The following RAB3C variants were observed in gnomAD, a reference collection of about 807,000 sequenced individuals.
RAB3C encodes the protein ras-related protein Rab-3C.
RAB3C carries 17 observed loss-of-function variants against 26.4 expected under a neutral mutation model. That is an observed-to-expected ratio of 0.64 (90% CI 0.44 to 0.97). The LOEUF is 0.97. RAB3C is among the 50% of genes least tolerant of loss of function. RAB3C has a pLI of 0.00. For missense variants in RAB3C, 242 were observed against 281.9 expected (o/e 0.86, Z 1.01); for synonymous variants, 91 against 95.9 (o/e 0.95, Z 0.30).
At chr5:58,819,419 G>A (rs796986304) in intron 3 of RAB3C, among the ~76,000 whole-genome samples, 3 of 152,230 alleles carry the variant, frequency 2.0e-5, no homozygotes, top group African/African-American at 4.8e-5. Flanking sequence ...GCATAACTGT[G>A]GGTCTTTCTC....
chr5:58,773,807 C>T (rs577848157), intron 3 of RAB3C, among the ~76,000 whole-genome samples: 121 of 152,250 alleles, frequency 7.9e-4, no homozygotes, highest in African/African-American at 2.7e-3. Flanking sequence ...CCTCTTCTAG[C>T]AATTCCCAGG....
intron 1 of RAB3C, among the ~76,000 whole-genome samples, chr5:58,614,480 C>CAA (rs150581049): frequency 5.3e-5 from 8 of 150,528 alleles, no homozygotes; most frequent in Admixed American, 1.3e-4. Flanking sequence ...GGAAATAGTA[C>CAA]AAAAAAAAAC....
chr5:58,738,644 T>A (rs1418181913), intron 3 of RAB3C, among the ~76,000 whole-genome samples: 1 of 152,118 alleles, frequency 6.6e-6, no homozygotes, highest in Admixed American at 6.6e-5. Context: ...GAAGCTAAAT[T>A]ATGTAGATGC....
At chr5:58,833,026 T>A (rs1342782482) in intron 4 of RAB3C, among the ~76,000 whole-genome samples, 1 of 152,160 alleles carries the variant, frequency 6.6e-6, no homozygotes, top group Non-Finnish European at 1.5e-5. Context: ...CCTCAATTTT[T>A]TTTTCAGTTA....
intron 2 of RAB3C, among the ~76,000 whole-genome samples, chr5:58,695,957 A>G (rs149078073): frequency 0.013 from 1,909 of 152,274 alleles, 38 homozygotes; most frequent in African/African-American, 0.041. Flanking sequence ...TTCCAACACT[A>G]TGTTGAATAG....
At chr5:58,718,902 A>G (rs1749228751) in intron 2 of RAB3C, among the ~76,000 whole-genome samples, 1 of 152,094 alleles carries the variant, frequency 6.6e-6, no homozygotes. Context: ...GAAACAAGAA[A>G]GCATAAAATA....
intron 2 of RAB3C, among the ~76,000 whole-genome samples, chr5:58,647,417 G>A (rs534687785): frequency 2.2e-4 from 33 of 152,150 alleles, no homozygotes; most frequent in Admixed American, 1.6e-3. Flanking sequence ...ATCAGATCTC[G>A]TGAGCACTCA....
intron 3 of RAB3C, among the ~76,000 whole-genome samples, chr5:58,777,506 C>T (rs997570712): frequency 2.0e-5 from 3 of 151,742 alleles, no homozygotes; most frequent in Non-Finnish European, 4.4e-5. Flanking sequence ...TCATATAGCA[C>T]TATAACATCT....
chr5:58,833,981 C>A (rs1408537057), intron 4 of RAB3C, among the ~76,000 whole-genome samples: 3 of 152,104 alleles, frequency 2.0e-5, no homozygotes, highest in African/African-American at 4.8e-5. Context: ...AAATAGATTT[C>A]TAAGAGTTGC....
chr5:58,807,293 G>A (rs1021643738), intron 3 of RAB3C, among the ~76,000 whole-genome samples: 2 of 152,176 alleles, frequency 1.3e-5, no homozygotes, highest in Non-Finnish European at 2.9e-5. Flanking sequence ...TCTCTGCCTA[G>A]AGAGTTAATA....
chr5:58,800,410 A>G (rs1049036472), intron 3 of RAB3C, among the ~76,000 whole-genome samples: 2 of 152,250 alleles, frequency 1.3e-5, no homozygotes, highest in African/African-American at 4.8e-5. Context: ...TCTTTATAGA[A>G]CAGGAAACTA....
At chr5:58,846,920 G>C (rs974728757) in intron 4 of RAB3C, 3 of 151,994 alleles carry the variant, frequency 2.0e-5, no homozygotes, top group African/African-American at 7.3e-5. Context: ...CTAACATCAG[G>C]TGAACCTGAA....
chr5:58,584,887 T>A (rs1745979323), intron 1 of RAB3C, among the ~76,000 whole-genome samples: 1 of 151,370 alleles, frequency 6.6e-6, no homozygotes, highest in South Asian at 2.1e-4. Flanking sequence ...ATTAAAATAT[T>A]ACAGAACTGT....
intron 2 of RAB3C, among the ~76,000 whole-genome samples, chr5:58,718,745 G>A (rs1016885957): frequency 1.3e-5 from 2 of 151,980 alleles, no homozygotes; most frequent in African/African-American, 4.8e-5. Flanking sequence ...TAAAATGTGG[G>A]CTTGTTTCAC....
intron 3 of RAB3C, 111 bp downstream of exon 3, chr5:58,726,231 C>T (rs1226557530): frequency 1.9e-6 from 1 of 535,922 alleles, no homozygotes; most frequent in South Asian, 3.9e-5. Flanking sequence ...GTTTACATTA[C>T]ACTACAATCC....
chr5:58,807,358 T>C (rs1742965896), intron 3 of RAB3C, among the ~76,000 whole-genome samples: 2 of 152,232 alleles, frequency 1.3e-5, no homozygotes, highest in African/African-American at 2.4e-5. Context: ...TAATTTCAGC[T>C]AAATGGATAT....
At chr5:58,630,268 A>T (rs1747161353) in intron 2 of RAB3C, among the ~76,000 whole-genome samples, 1 of 152,252 alleles carries the variant, frequency 6.6e-6, no homozygotes, top group Non-Finnish European at 1.5e-5. Context: ...GGAATTACCT[A>T]ACATGTGTAT....
At chr5:58,616,974 T>G (rs1554044384) in intron 1 of RAB3C, among the ~76,000 whole-genome samples, 1 of 152,188 alleles carries the variant, frequency 6.6e-6, no homozygotes, top group Non-Finnish European at 1.5e-5. Flanking sequence ...GCAAGTTACT[T>G]AATAATATCT....
chr5:58,832,939 G>A (rs777226162), intron 4 of RAB3C, among the ~76,000 whole-genome samples: 4 of 152,040 alleles, frequency 2.6e-5, no homozygotes, highest in Non-Finnish European at 5.9e-5. Context: ...AATTACACTG[G>A]CAATATTCCA....
Sources: gnomAD v4.1 joint callset for allele counts (sites outside exome capture counted in the v4.1 genomes callset) on GRCh38, gnomAD v4.1.1 for gene constraint, MANE v1.5 for transcripts, NCBI Gene and HGNC (gene_info 2026-07-23, HGNC 2026-07-21) for gene names.